Variants in CADPS2 observed in about 807,000 individuals in gnomAD.
CADPS2 encodes the protein calcium-dependent secretion activator 2.
Under a neutral mutation model 172.5 loss-of-function variants are expected in CADPS2, and 93 were observed. That is an observed-to-expected ratio of 0.54 (90% CI 0.46 to 0.64). CADPS2 has a LOEUF of 0.64. Among genes scored for constraint, CADPS2 ranks in the 30% least tolerant of loss-of-function variants. The probability of loss-of-function intolerance (pLI) is 0.00; values close to 1 mark genes in which losing one functional copy is unlikely to be tolerated. For missense variants in CADPS2, 1,420 were observed against 1,565.9 expected (o/e 0.91, Z 1.57); for synonymous variants, 546 against 555.2 (o/e 0.98, Z 0.23).
intron 7 of CADPS2, among the ~76,000 whole-genome samples, chr7:122,568,789 G>C (rs2066806132): frequency 6.6e-6 from 1 of 152,086 alleles, no homozygotes; most frequent in South Asian, 2.1e-4. Context: ...AGATTTCTTA[G>C]ATACAGCACC....
At chr7:122,501,852 G>T (rs1172669894) in intron 9 of CADPS2, among the ~76,000 whole-genome samples, 1 of 124,220 alleles carries the variant, frequency 8.1e-6, no homozygotes, top group East Asian at 2.3e-4. Context: ...TCCAGCCTGG[G>T]CAACAAGGCA....
chr7:122,498,489 G>C (rs1001008906), intron 9 of CADPS2, among the ~76,000 whole-genome samples: 1 of 151,856 alleles, frequency 6.6e-6, no homozygotes, highest in Non-Finnish European at 1.5e-5. Context: ...TAATCTTGAA[G>C]CTTTCTTTCC....
intron 27 of CADPS2, among the ~76,000 whole-genome samples, chr7:122,350,145 C>T (rs1008061659): frequency 3.9e-5 from 6 of 152,124 alleles, no homozygotes; most frequent in Non-Finnish European, 8.8e-5. Context: ...TATCTGCTTG[C>T]TTTGTAAATG....
At chr7:122,706,951 C>G (rs1465545499) in intron 2 of CADPS2, among the ~76,000 whole-genome samples, 2 of 151,136 alleles carry the variant, frequency 1.3e-5, no homozygotes, top group Non-Finnish European at 2.9e-5. Flanking sequence ...GTGGAATCAT[C>G]ATGATTATCT....
At chr7:122,830,021 TAAAA>T (rs11380726) in intron 1 of CADPS2, among the ~76,000 whole-genome samples, 5 of 147,810 alleles carry the variant, frequency 3.4e-5, no homozygotes, top group Admixed American at 6.8e-5. Flanking sequence ...AATATCATAT[TAAAA>T]AAAAAAACAG....
At chr7:122,739,343 A>G (rs559824791) in intron 1 of CADPS2, among the ~76,000 whole-genome samples, 4 of 152,212 alleles carry the variant, frequency 2.6e-5, no homozygotes, top group African/African-American at 4.8e-5. Context: ...GTATTTTTTC[A>G]TTCAATTTTA....
At chr7:122,449,429 C>T (rs181993074) in intron 15 of CADPS2, among the ~76,000 whole-genome samples, 1 of 152,200 alleles carries the variant, frequency 6.6e-6, no homozygotes, top group African/African-American at 2.4e-5. Context: ...GATCCTCCCA[C>T]ATCAGCCTCT....
In CADPS2 at chr7:122,319,914, G is replaced by A. The variant is rs1463996166; in HGVS notation, c.*251C>T. 5 of 360,182 alleles carry A rather than the reference G, an allele frequency of 1.4e-5. No homozygotes were observed. The highest frequency in any genetic ancestry group is 1.1e-4 in the African/African-American group (5 of 47,350). The allele number at this position is 360,182 out of a possible 1,614,324, so 22.3% of individuals were successfully genotyped here. ...CAAGCAGAGCCAAGGTTCATTTTTA[G>A]GTCAAACTACACAAAAGAGGATGCT... On this transcript the variant is annotated 3_prime_UTR_variant, in exon 30 of 30. Coordinates refer to ENST00000449022, the MANE Select transcript of CADPS2 (RefSeq NM_017954.11).
At chr7:122,322,877 G>C (rs1018687392) in intron 29 of CADPS2, among the ~76,000 whole-genome samples, 1 of 152,136 alleles carries the variant, frequency 6.6e-6, no homozygotes, top group Non-Finnish European at 1.5e-5. Flanking sequence ...ATCCCTGTGA[G>C]TAGTAAGGAC....
At chr7:122,324,518 G>A (rs2033398778) in intron 29 of CADPS2, among the ~76,000 whole-genome samples, 1 of 152,078 alleles carries the variant, frequency 6.6e-6, no homozygotes, top group South Asian at 2.1e-4. Context: ...GGTCTGGGGT[G>A]GGGCCCAAGA....
chr7:122,685,492 T>C (rs143153092), intron 2 of CADPS2, among the ~76,000 whole-genome samples: 377 of 152,372 alleles, frequency 2.5e-3, no homozygotes, highest in Middle Eastern at 0.014. Flanking sequence ...ACTATCCTAC[T>C]GGCTCTCCTT....
chr7:122,587,034 C>A (rs1383270568), intron 6 of CADPS2, among the ~76,000 whole-genome samples: 1 of 151,398 alleles, frequency 6.6e-6, no homozygotes, highest in Non-Finnish European at 1.5e-5. Context: ...AAGGATCCAG[C>A]AACAGGGATA....
At chr7:122,438,601 AG>A in intron 16 of CADPS2, 137 bp from the exon 17 acceptor site, 1 of 957,056 alleles carries the variant, frequency 1.0e-6, no homozygotes, top group Non-Finnish European at 1.6e-6. Context: ...TATTAGGGAG[AG>A]GGGTCCTAGG....
intron 20 of CADPS2, among the ~76,000 whole-genome samples, chr7:122,399,640 ACTCT>A (rs1382145369): frequency 7.3e-6 from 1 of 137,630 alleles, no homozygotes; most frequent in Non-Finnish European, 1.5e-5. Flanking sequence ...ATGATCGATA[ACTCT>A]CTCAAGGGTG....
At position 122,776,983 on chromosome 7, in the gene CADPS2, T is replaced by C. The variant is rs1007736250; in HGVS notation, c.340-39915A>G. Among the ~76,000 whole-genome samples the C allele has an allele frequency of 4.3e-4, 65 of 151,982 alleles. 1 individual carries two copies. The highest frequency in any genetic ancestry group is 6.6e-5 in the Admixed American group (1 of 15,256). ...CTGGGCAATATAGTGTGACCCCATC[T>C]CTACAAAAAGTTTGAAAATTAGCCA... On this transcript the variant is annotated intron_variant, in intron 1 of 29. Transcript: ENST00000449022.
At position 122,816,886 on chromosome 7, in the gene CADPS2, C is replaced by T. The variant is rs188769801; in HGVS notation, c.339+69113G>A. Among the ~76,000 whole-genome samples, 309 of 151,710 alleles carry T rather than the reference C, an allele frequency of 2.0e-3. 3 individuals carry two copies. Among genetic ancestry groups the T allele is most frequent in the African/African-American group, 7.0e-3 (288 of 41,082 alleles). ...CCACCACAAAAGAAGTGTAAATGGC[C>T]GATCCTTGCCTTAAATGATGGCATT... On this transcript the variant is annotated intron_variant, in intron 1 of 29. Coordinates refer to ENST00000449022, the MANE Select transcript of CADPS2 (RefSeq NM_017954.11).
chr7:122,554,471 C>A (rs2064761047), intron 8 of CADPS2, 79 bp downstream of exon 8: 8 of 1,351,234 alleles, frequency 5.9e-6, no homozygotes, highest in Non-Finnish European at 6.0e-6. Flanking sequence ...TATACTGGTT[C>A]TCTCACTAAA....
At chr7:122,634,643 C>A (rs2076889495) in intron 3 of CADPS2, among the ~76,000 whole-genome samples, 1 of 151,982 alleles carries the variant, frequency 6.6e-6, no homozygotes, top group Non-Finnish European at 1.5e-5. Flanking sequence ...TTTGTATGAA[C>A]TTTTACATGT....
chr7:122,662,653 G>A (rs377175580), intron 3 of CADPS2, among the ~76,000 whole-genome samples: 3 of 152,198 alleles, frequency 2.0e-5, no homozygotes, highest in Non-Finnish European at 2.9e-5. Context: ...GGTTACAGGC[G>A]TGAGCCACCA....
Sources: gnomAD v4.1 joint callset for allele counts (sites outside exome capture counted in the v4.1 genomes callset) on GRCh38, gnomAD v4.1.1 for gene constraint, MANE v1.5 for transcripts, NCBI Gene and HGNC (gene_info 2026-07-23, HGNC 2026-07-21) for gene names.